Variants in CARD10 observed in about 807,000 individuals in gnomAD.
CARD10 encodes caspase recruitment domain-containing protein 10.
CARD10 carries 49 observed loss-of-function variants against 114.6 expected under a neutral mutation model. The observed-to-expected ratio is 0.43, with a 90% CI of 0.34 to 0.54. The LOEUF is 0.54. Among genes scored for constraint, CARD10 ranks in the 20% least tolerant of loss-of-function variants. CARD10 has a pLI of 0.03. For missense variants in CARD10, 1,206 were observed against 1,397.2 expected (o/e 0.86, Z 2.18); for synonymous variants, 602 against 593.2 (o/e 1.01, Z -0.21).
chr22:37,511,303 A>C (rs146892078), intron 3 of CARD10, among the ~76,000 whole-genome samples: 4,109 of 147,778 alleles, frequency 0.028, 100 homozygotes, highest in Middle Eastern at 0.055. Context: ...GGCTGCAGTG[A>C]ACCATAATCG....
At chr22:37,513,743 G>T (rs561185348) in intron 3 of CARD10, among the ~76,000 whole-genome samples, 15 of 152,298 alleles carry the variant, frequency 9.8e-5, no homozygotes, top group African/African-American at 3.6e-4. Flanking sequence ...TCTGGGTAAA[G>T]AAAGGGGAGC....
chr22:37,513,842 G>C (rs942050608), intron 3 of CARD10, among the ~76,000 whole-genome samples: 1 of 152,124 alleles, frequency 6.6e-6, no homozygotes, highest in Non-Finnish European at 1.5e-5. Context: ...GCTCATGCCT[G>C]TAATCCAGCA....
At chr22:37,505,842 C>T (rs1035155849) in intron 7 of CARD10, among the ~76,000 whole-genome samples, 6 of 152,140 alleles carry the variant, frequency 3.9e-5, no homozygotes, top group Non-Finnish European at 7.4e-5. Flanking sequence ...TTAGTCCTGA[C>T]TAGCTGGTCT....
intron 3 of CARD10, among the ~76,000 whole-genome samples, chr22:37,511,613 C>G: frequency 6.7e-6 from 1 of 150,176 alleles, no homozygotes; most frequent in East Asian, 2.0e-4. Context: ...GTCATGGCCC[C>G]TCTCTGTGCC....
intron 19 of CARD10, 23 bp from the exon 20 acceptor site, chr22:37,491,416 C>G: frequency 6.9e-7 from 1 of 1,439,310 alleles, no homozygotes; most frequent in Non-Finnish European, 9.2e-7. Flanking sequence ...GAGTGAGCAG[C>G]GGTCAAAGTG....
At chr22:37,504,422 T>C in intron 8 of CARD10, 121 bp from the exon 9 acceptor site, 1 of 1,052,758 alleles carries the variant, frequency 9.5e-7, no homozygotes, top group Non-Finnish European at 1.3e-6. Flanking sequence ...AAGAGCGGGC[T>C]CTGCAAGATT....
intron 16 of CARD10, among the ~76,000 whole-genome samples, chr22:37,493,718 C>T (rs1204056085): frequency 6.6e-6 from 1 of 152,204 alleles, no homozygotes; most frequent in African/African-American, 2.4e-5. Flanking sequence ...ACCTGTCTGG[C>T]CTAAGGCCTC....
At chr22:37,513,117 T>C (rs1923718786) in intron 3 of CARD10, among the ~76,000 whole-genome samples, 1 of 152,080 alleles carries the variant, frequency 6.6e-6, no homozygotes, top group South Asian at 2.1e-4. Flanking sequence ...TCTTTTTTTG[T>C]TGTTGTTTTT....
intron 2 of CARD10, among the ~76,000 whole-genome samples, chr22:37,516,605 C>T (rs933915173): frequency 1.3e-5 from 2 of 152,114 alleles, no homozygotes; most frequent in Admixed American, 6.6e-5. Context: ...ATATAAAGAG[C>T]TCCTACAAAT....
At position 37,506,409 on chromosome 22, in the gene CARD10, A is replaced by G. The variant is rs769151594; in HGVS notation, c.1192-26T>C. The stretch of plus-strand genomic sequence containing the variant: ...CTAGGGTTGGGGGAGGGGAGGCAGC[A>G]GCTGAAGGAGCCACCTTGGCCCAGC... On this transcript the variant is annotated intron_variant, in intron 6 of 19. Coordinates refer to ENST00000251973, the MANE Select transcript of CARD10 (RefSeq NM_014550.4). The G allele has an allele frequency of 5.5e-5, 83 of 1,512,206 alleles. No individual in the cohort carries two copies. In the South Asian group the frequency reaches 1.0e-3, roughly 18 times the overall value. The allele number at this position is 1,512,206 out of a possible 1,614,324, so 93.7% of individuals were successfully genotyped here. A position where few individuals can be genotyped will look rare whatever the true frequency, so the allele number is the denominator to read the frequency against.
chr22:37,490,821 G>C lies in CARD10; in HGVS notation c.*338C>G, dbSNP rs1261661796. 8 of 292,074 alleles carry C rather than the reference G, an allele frequency of 2.7e-5. No homozygotes were observed. Among genetic ancestry groups the C allele is most frequent in the Non-Finnish European group, 3.8e-5 (6 of 155,998 alleles). The allele number at this position is 292,074 out of a possible 1,614,324, so 18.1% of individuals were successfully genotyped here. On this transcript the variant is annotated 3_prime_UTR_variant, in exon 20 of 20. Transcript: ENST00000251973. ...GACCTGAGCCTGCCCATGAGAACTT[G>C]AGTGTGCAAACCTGCGCACAGGTGT...
chr22:37,503,660 C>T (rs1257134136), intron 9 of CARD10, among the ~76,000 whole-genome samples: 1 of 152,164 alleles, frequency 6.6e-6, no homozygotes, highest in African/African-American at 2.4e-5. Context: ...CCTCCCAGGG[C>T]CCAGCCTCTC....
At chr22:37,494,463 C>T (rs1265730072) in intron 15 of CARD10, 21 of 508,110 alleles carry the variant, frequency 4.1e-5, no homozygotes, top group Non-Finnish European at 3.5e-6. Flanking sequence ...AGGTATACCC[C>T]CCAAGCTACA....
rs1318283078 is a variant in CARD10, at chr22:37,494,088, G to C, written c.2474C>G (p.Ala825Gly). The change falls in exon 16 of 20, where the codon GCA (alanine) becomes GGA (glycine). Residue 825 changes from alanine (A) to glycine (G), a missense_variant and splice_region_variant. Ala to Gly is a moderately conservative substitution (Grantham distance 60). Transcript: ENST00000251973. ...CAGCTTTGCCCCCGCGCACTCACCT[G>C]CACAGGGCTCCAGCAGCAGCTGATC... The part of the protein sequence containing the change: ...SPDQLLLEPC[A>G]EPERSLRPYS... 1 of 1,553,070 alleles carries C rather than the reference G, an allele frequency of 6.4e-7. No homozygotes were observed. Among genetic ancestry groups the C allele is most frequent in the Admixed American group, 1.9e-5 (1 of 51,690 alleles).
rs368352079 is a variant in CARD10 at position 37,492,799 on chromosome 22, G to C, written c.2480C>G (p.Pro827Arg). ...ACTGTAGGGTCTGAGGCTCCGCTCC[G>C]GCTCTGTGGCAGGGGAGGGGCGCAA... Reference protein sequence around the residue: ...DQLLLEPCAEPERSLRPYSLV... With the variant: ...DQLLLEPCAERERSLRPYSLV... The change falls in exon 17 of 20, where the codon CCG (proline) becomes CGG (arginine). Residue 827 changes from proline to arginine, a missense_variant. Physicochemically the swap from Pro to Arg is moderately radical, Grantham distance 103. This residue lies in a region of CARD10 where 1,068 missense variants were observed against 1,179.1 expected (regional missense o/e 0.91). Coordinates refer to ENST00000251973, the MANE Select transcript of CARD10 (RefSeq NM_014550.4). This position sits in a 1 kb window ranked among gnomAD's most constrained non-coding sequence, Gnocchi z 5.7. 3 of 1,610,758 alleles carry C rather than the reference G, an allele frequency of 1.9e-6. No homozygotes were observed. The highest frequency in any genetic ancestry group is 2.5e-6 in the Non-Finnish European group (3 of 1,179,420).
chr22:37,505,761 CT>C (rs2145765168), intron 7 of CARD10, among the ~76,000 whole-genome samples: 1 of 152,274 alleles, frequency 6.6e-6, no homozygotes, highest in South Asian at 2.1e-4. Context: ...GGGCAAGCCC[CT>C]CACCCTCTCT....
Position 37,504,293 on chromosome 22 carries a change from G to C in CARD10, c.1527C>G (p.Ala509=), listed in dbSNP as rs2145763531. 2 of 1,540,178 alleles carry C rather than the reference G, an allele frequency of 1.3e-6. No individual in the cohort carries two copies. Among genetic ancestry groups the C allele is most frequent in the Middle Eastern group, 1.7e-4 (1 of 5,764 alleles). Residue 509 remains alanine (A), a synonymous_variant, in exon 9 of 20, where the codon GCC becomes GCG. Coordinates refer to ENST00000251973, the MANE Select transcript of CARD10 (RefSeq NM_014550.4). ...GATTGATCTCCTTTTCACTGTCTGT[G>C]GCTTCCTCCTGCAATGCCATGACAG... ...GGPEPHNSEE[A]TDSEKEINRL...
chr22:37,501,466 C>T lies in CARD10; in HGVS notation c.1787+1136G>A, dbSNP rs1295373369. The stretch of plus-strand genomic sequence containing the variant: ...AACAATGTCTCGCTGAGCCCACTGC[C>T]GGGGGCCAGGTGGGGGCAGGGCCTG... On this transcript the variant is annotated intron_variant, in intron 11 of 19. Coordinates refer to ENST00000251973, the MANE Select transcript of CARD10 (RefSeq NM_014550.4). This position sits in a 1 kb window ranked among gnomAD's most constrained non-coding sequence, Gnocchi z 5.4. 6.6e-6 allele frequency among the ~76,000 whole-genome samples: 1 copy of T among 152,188 alleles called. No homozygotes were observed. Among genetic ancestry groups the T allele is most frequent in the Non-Finnish European group, 1.5e-5 (1 of 68,026 alleles).
In CARD10 at chr22:37,517,816, A is replaced by C. The variant is rs545543249; in HGVS notation, c.373+155T>G. Reference sequence around the variant, plus strand: ...TAGCACCCAGCCCCACCCTCAGCCTACCGTGGGGCCCTGGGCAAGCCCCTT... The same window carrying C: ...TAGCACCCAGCCCCACCCTCAGCCTCCCGTGGGGCCCTGGGCAAGCCCCTT... On this transcript the variant is annotated intron_variant, in intron 2 of 19. Coordinates refer to ENST00000251973, the MANE Select transcript of CARD10 (RefSeq NM_014550.4). Among the ~76,000 whole-genome samples the C allele has an allele frequency of 1.4e-4, 22 of 152,266 alleles. No homozygotes were observed. The East Asian group carries it at 4.2e-3, about 29-fold the overall frequency.
Sources: allele counts gnomAD v4.1 joint callset (sites outside exome capture counted in the v4.1 genomes callset), GRCh38; gene constraint gnomAD v4.1.1; regional missense constraint gnomAD v4.1.1; non-coding constraint Gnocchi (gnomAD v3.1); transcripts MANE v1.5; gene names NCBI Gene and HGNC (gene_info 2026-07-23, HGNC 2026-07-21).